ASPH: variants seen among roughly 807,000 people sequenced by gnomAD.
The protein encoded by ASPH is aspartate beta-hydroxylase, also known as aspartyl/asparaginyl beta-hydroxylase.
In ASPH, 100 loss-of-function variants were observed where a neutral mutation model predicts 118.4. That is an observed-to-expected ratio of 0.84 (90% CI 0.72 to 1.00). ASPH has a LOEUF of 1.00. ASPH is among the 50% of genes least tolerant of loss of function. ASPH has a pLI of 0.00. For synonymous variants in ASPH, 315 were observed against 325.6 expected, an observed-to-expected ratio of 0.97 and a Z score of 0.35; for missense variants, 920 against 919.5, an observed-to-expected ratio of 1.00 and a Z score of -0.01.
At chr8:61,574,087 A>C (rs1330252331) in intron 16 of ASPH, among the ~76,000 whole-genome samples, 2 of 152,256 alleles carry the variant, frequency 1.3e-5, no homozygotes, top group East Asian at 3.8e-4. Flanking sequence ...TGGCCAACAA[A>C]CGTGAAATAA....
chr8:61,619,530 TG>T (rs1850168127), intron 13 of ASPH, among the ~76,000 whole-genome samples: 1 of 152,160 alleles, frequency 6.6e-6, no homozygotes, highest in Non-Finnish European at 1.5e-5. Flanking sequence ...GAGCTTGTGC[TG>T]AAGCCCAGAT....
At chr8:61,644,484 A>T in intron 7 of ASPH, 116 bp downstream of exon 7, 1 of 672,948 alleles carries the variant, frequency 1.5e-6, no homozygotes, top group South Asian at 4.9e-5. Flanking sequence ...TATTAATTGC[A>T]TATCTTGCAT....
chr8:61,521,028 T>C (rs1812766218), intron 22 of ASPH, among the ~76,000 whole-genome samples: 1 of 152,206 alleles, frequency 6.6e-6, no homozygotes, highest in South Asian at 2.1e-4. Context: ...ATTTTAACTC[T>C]TCACGTCTGA....
intron 3 of ASPH, chr8:61,675,780 G>A (rs1824966970): frequency 8.5e-7 from 1 of 1,177,420 alleles, no homozygotes; most frequent in East Asian, 4.2e-5. Flanking sequence ...GTGAATACAT[G>A]AGTTGAAACA....
intron 1 of ASPH, among the ~76,000 whole-genome samples, chr8:61,693,307 C>A (rs1209027965): frequency 6.6e-6 from 1 of 152,212 alleles, no homozygotes; most frequent in African/African-American, 2.4e-5. Context: ...CCTCTTCACA[C>A]CTTGTTTCTT....
chr8:61,688,336 C>CA (rs1478504297), intron 1 of ASPH, among the ~76,000 whole-genome samples: 1 of 152,048 alleles, frequency 6.6e-6, no homozygotes, highest in African/African-American at 2.4e-5. Context: ...CATGTTATTC[C>CA]ATCAAAAGTA....
chr8:61,530,809 G>T (rs1026019857), intron 21 of ASPH, among the ~76,000 whole-genome samples: 1 of 152,002 alleles, frequency 6.6e-6, no homozygotes, highest in Non-Finnish European at 1.5e-5. Context: ...ATAACTCCCG[G>T]CTAATTATTT....
At chr8:61,577,441 ATGATGT>A in intron 15 of ASPH, among the ~76,000 whole-genome samples, 1 of 149,370 alleles carries the variant, frequency 6.7e-6, no homozygotes, top group African/African-American at 2.5e-5. Context: ...CACCTGATAA[ATGATGT>A]AATATGTGGT....
intron 15 of ASPH, among the ~76,000 whole-genome samples, chr8:61,579,926 AAAAAAAT>A (rs1434968543): frequency 2.0e-4 from 30 of 150,148 alleles, no homozygotes; most frequent in African/African-American, 7.3e-4. Context: ...AAAAAAAAAA[AAAAAAAT>A]GGGAGAAATT....
At chr8:61,593,314 C>T (rs1013212514) in intron 14 of ASPH, among the ~76,000 whole-genome samples, 1 of 152,098 alleles carries the variant, frequency 6.6e-6, no homozygotes, top group East Asian at 1.9e-4. Context: ...ATAGGTATTA[C>T]CAGAAGAAGA....
At chr8:61,665,554 T>C in intron 3 of ASPH, 2 of 1,591,086 alleles carry the variant, frequency 1.3e-6, no homozygotes, top group Non-Finnish European at 1.7e-6. Context: ...TTTCCTTCCT[T>C]GACTCAGGTT....
chr8:61,524,470 T>A (rs1033338695), intron 22 of ASPH, among the ~76,000 whole-genome samples: 4 of 152,178 alleles, frequency 2.6e-5, no homozygotes, highest in Non-Finnish European at 4.4e-5. Context: ...ATGAGTTTTT[T>A]AAACAACAGG....
At chr8:61,522,422 A>G (rs970525090) in intron 22 of ASPH, among the ~76,000 whole-genome samples, 1 of 151,824 alleles carries the variant, frequency 6.6e-6, no homozygotes, top group Admixed American at 6.6e-5. Flanking sequence ...CTAGGTGGCC[A>G]CCTTCTTCTT....
intron 12 of ASPH, 141 bp from the exon 13 acceptor site, chr8:61,633,868 T>G (rs988335218): frequency 5.1e-6 from 3 of 582,880 alleles, no homozygotes; most frequent in Non-Finnish European, 8.7e-6. Context: ...AACATTAGGC[T>G]TCTATACCCT....
At chr8:61,518,847 G>A (rs1309148929) in intron 22 of ASPH, among the ~76,000 whole-genome samples, 1 of 152,116 alleles carries the variant, frequency 6.6e-6, no homozygotes, top group African/African-American at 2.4e-5. Flanking sequence ...ATCATCATTA[G>A]TTGCTCTTTG....
At chr8:61,598,935 A>G (rs965302444) in intron 14 of ASPH, among the ~76,000 whole-genome samples, 3 of 152,222 alleles carry the variant, frequency 2.0e-5, no homozygotes, top group Non-Finnish European at 2.9e-5. Flanking sequence ...ATTTTTAAAA[A>G]ACTACTTGAA....
rs1273794848 is a variant in ASPH at position 61,714,277 on chromosome 8, GC to G, written c.94del (p.Ala32ProfsTer29). On this transcript the variant is annotated frameshift_variant, in exon 1 of 25. Coordinates refer to ENST00000379454, the MANE Select transcript of ASPH (RefSeq NM_004318.4). LOFTEE classifies it high-confidence loss of function. Reference protein sequence around the residue: ...STSAGSSSPGARRETKHGGHK... With the variant: ...STSAGSSSPGXRRETKHGGHK... ...CCCGCAGGGCCTCTGACCTCTCCGG[GC>G]CCCGGGGCTGCTGCTGCCCGCACTC... 4 of 1,515,922 alleles carry G rather than the reference GC, an allele frequency of 2.6e-6. No individual in the cohort carries two copies. The highest frequency in any genetic ancestry group is 1.4e-5 in the African/African-American group (1 of 69,436). 93.9% of individuals were successfully genotyped at this position (1,515,922 alleles called of 1,614,324 possible). A position where few individuals can be genotyped will look rare whatever the true frequency, so the allele number is the denominator to read the frequency against.
At chr8:61,702,233 G>A (rs1168733736) in intron 1 of ASPH, among the ~76,000 whole-genome samples, 23 of 151,294 alleles carry the variant, frequency 1.5e-4, no homozygotes, top group Admixed American at 1.5e-3. Context: ...CCAGTGTTGG[G>A]GTAAAATGAC....
chr8:61,509,924 C>T (rs1808174136), intron 24 of ASPH, among the ~76,000 whole-genome samples: 1 of 152,096 alleles, frequency 6.6e-6, no homozygotes, highest in Non-Finnish European at 1.5e-5. Context: ...CCCACATGAC[C>T]AGCTCCTATT....
Sources: gnomAD v4.1 joint callset for allele counts (sites outside exome capture counted in the v4.1 genomes callset) on GRCh38, gnomAD v4.1.1 for gene constraint, MANE v1.5 for transcripts, NCBI Gene and HGNC (gene_info 2026-07-23, HGNC 2026-07-21) for gene names.